Variants in ENTPD7 observed in about 807,000 individuals in gnomAD.
The protein encoded by ENTPD7 is NTPDase 7.
ENTPD7 carries 53 observed loss-of-function variants against 77.9 expected under a neutral mutation model. The observed-to-expected ratio is 0.68, with a 90% CI of 0.55 to 0.85. The LOEUF is 0.85. Among genes scored for constraint, ENTPD7 ranks in the 40% least tolerant of loss-of-function variants. ENTPD7 has a pLI of 0.00. For missense variants in ENTPD7, 636 were observed against 743.7 expected (o/e 0.86, Z 1.68); for synonymous variants, 248 against 274.9 (o/e 0.90, Z 0.97).
chr10:99,667,066 A>G (rs1184860409), intron 3 of ENTPD7, among the ~76,000 whole-genome samples: 1 of 152,220 alleles, frequency 6.6e-6, no homozygotes, highest in East Asian at 1.9e-4. Flanking sequence ...AAGTGGTCAG[A>G]GCCAATAAAT....
Position 99,696,102 on chromosome 10 carries a change from T to TG in ENTPD7, c.991dup (p.Glu331GlyfsTer4). The TG allele has an allele frequency of 6.2e-7, 1 of 1,613,300 alleles. No individual in the cohort carries two copies. Among genetic ancestry groups the TG allele is most frequent in the South Asian group, 1.1e-5 (1 of 90,840 alleles). Reference sequence around the variant, plus strand: ...AGCGCTACGAAGACCTTGTTCTGAATGAAACTCTTAACAAAAACAGGTACA... The same window carrying TG: ...AGCGCTACGAAGACCTTGTTCTGAATGGAAACTCTTAACAAAAACAGGTACA... On this transcript the variant is annotated frameshift_variant, in exon 9 of 13. Coordinates refer to ENST00000370489, the MANE Select transcript of ENTPD7 (RefSeq NM_020354.5). LOFTEE classifies it high-confidence loss of function.
At chr10:99,685,528 A>C (rs1228633057) in intron 5 of ENTPD7, among the ~76,000 whole-genome samples, 2 of 152,222 alleles carry the variant, frequency 1.3e-5, no homozygotes, top group Non-Finnish European at 2.9e-5. Flanking sequence ...TCATAGCCTC[A>C]TCTTTTAACA....
chr10:99,686,412 T>C (rs1371609554), intron 6 of ENTPD7, among the ~76,000 whole-genome samples: 4 of 152,160 alleles, frequency 2.6e-5, no homozygotes, highest in African/African-American at 7.2e-5. Flanking sequence ...TGTGTTCTCA[T>C]GCAGCCAAAT....
At chr10:99,682,866 G>C (rs1332099040) in intron 5 of ENTPD7, among the ~76,000 whole-genome samples, 2 of 152,190 alleles carry the variant, frequency 1.3e-5, no homozygotes, top group African/African-American at 4.8e-5. Context: ...GGTTAAAAAG[G>C]CAGAATTGAC....
intron 5 of ENTPD7, 135 bp from the exon 6 acceptor site, chr10:99,685,657 G>C (rs1414891168): frequency 4.8e-6 from 3 of 619,524 alleles, no homozygotes; most frequent in Non-Finnish European, 8.6e-6. Flanking sequence ...GTACCAAAAA[G>C]AAGCAGGGCT....
At chr10:99,690,243 G>A (rs1313638026) in intron 7 of ENTPD7, among the ~76,000 whole-genome samples, 1 of 152,080 alleles carries the variant, frequency 6.6e-6, no homozygotes, top group Non-Finnish European at 1.5e-5. Context: ...AAGAGCCCTG[G>A]TTTCTTTTAG....
At chr10:99,688,861 A>G in intron 7 of ENTPD7, 111 bp downstream of exon 7, 1 of 985,448 alleles carries the variant, frequency 1.0e-6, no homozygotes, top group East Asian at 2.5e-5. Flanking sequence ...TTTTTCAAAC[A>G]TAAGATGCTT....
At position 99,707,156 on chromosome 10, in the gene ENTPD7, T is replaced by C. The variant is rs928903748; in HGVS notation, c.*2473T>C. ...TCAATATATATGTATTTCTTATTCTTATTTTGTCTTGGAGTGTTTAATGTG... is the reference window on the plus strand; with the variant it reads ...TCAATATATATGTATTTCTTATTCTCATTTTGTCTTGGAGTGTTTAATGTG... On this transcript the variant is annotated 3_prime_UTR_variant, in exon 13 of 13. Transcript: ENST00000370489. Among the ~76,000 whole-genome samples, 6 of 152,208 alleles carry C rather than the reference T, an allele frequency of 3.9e-5. No homozygotes were observed. The highest frequency in any genetic ancestry group is 1.5e-5 in the Non-Finnish European group (1 of 68,026).
chr10:99,684,537 C>G (rs186253107), intron 5 of ENTPD7, among the ~76,000 whole-genome samples: 99 of 152,252 alleles, frequency 6.5e-4, no homozygotes, highest in Admixed American at 5.4e-3. Flanking sequence ...TAACAATGAA[C>G]TTTTTTTAAG....
intron 3 of ENTPD7, among the ~76,000 whole-genome samples, chr10:99,676,931 T>TA (rs1219815637): frequency 1.3e-5 from 2 of 152,198 alleles, no homozygotes; most frequent in Non-Finnish European, 2.9e-5. Context: ...TTCTCTTTTT[T>TA]AAAAAAATGC....
chr10:99,687,302 T>C (rs1453778837), intron 6 of ENTPD7, among the ~76,000 whole-genome samples: 3 of 127,240 alleles, frequency 2.4e-5, no homozygotes, highest in East Asian at 2.6e-4. Context: ...AGTCTCGCTC[T>C]GTCATCCAGA....
intron 5 of ENTPD7, among the ~76,000 whole-genome samples, chr10:99,681,838 A>T (rs2035758479): frequency 6.6e-6 from 1 of 152,148 alleles, no homozygotes; most frequent in Non-Finnish European, 1.5e-5. Context: ...GTGAATGGAG[A>T]AATGTCTATT....
chr10:99,698,162 C>G (rs967616877), intron 9 of ENTPD7, among the ~76,000 whole-genome samples: 1 of 152,158 alleles, frequency 6.6e-6, no homozygotes, highest in Non-Finnish European at 1.5e-5. Flanking sequence ...CACCTCACCC[C>G]CTACCAGTTG....
At chr10:99,699,407 T>C (rs569476119) in intron 10 of ENTPD7, among the ~76,000 whole-genome samples, 2 of 152,336 alleles carry the variant, frequency 1.3e-5, no homozygotes, top group African/African-American at 4.8e-5. Flanking sequence ...TGAGCATATA[T>C]AGGACTTAAG....
At chr10:99,674,819 AT>A (rs1390769608) in intron 3 of ENTPD7, among the ~76,000 whole-genome samples, 5 of 152,188 alleles carry the variant, frequency 3.3e-5, no homozygotes, top group African/African-American at 1.2e-4. Flanking sequence ...ACCGCTAATA[AT>A]GCCTTAGTGC....
At position 99,698,557 on chromosome 10, in the gene ENTPD7, T is replaced by TGAGTCCCGAC; in HGVS notation, c.1035_1044dup (p.Asn349GlufsTer64). The TGAGTCCCGAC allele has an allele frequency of 6.2e-7, 1 of 1,614,138 alleles. No individual in the cohort carries two copies. The highest frequency in any genetic ancestry group is 8.5e-7 in the Non-Finnish European group (1 of 1,180,000). On this transcript the variant is annotated frameshift_variant, in exon 10 of 13. Coordinates refer to ENST00000370489, the MANE Select transcript of ENTPD7 (RefSeq NM_020354.5). LOFTEE classifies it high-confidence loss of function. The stretch of plus-strand genomic sequence containing the variant: ...AGATTGCTTGGTCAGAAGACAGGTC[T>TGAGTCCCGAC]GAGTCCCGACAATCCATTTCTGGAT...
intron 11 of ENTPD7, among the ~76,000 whole-genome samples, 167 bp from the exon 12 acceptor site, chr10:99,702,345 C>G (rs1236178175): frequency 1.3e-5 from 2 of 152,082 alleles, no homozygotes; most frequent in African/African-American, 4.8e-5. Context: ...GTGGTAAACA[C>G]AAGATAAGTA....
At position 99,700,604 on chromosome 10, in the gene ENTPD7, C is replaced by T. The variant is rs150480856; in HGVS notation, c.1336-369C>T. On this transcript the variant is annotated intron_variant, in intron 10 of 12. Coordinates refer to ENST00000370489, the MANE Select transcript of ENTPD7 (RefSeq NM_020354.5). ...GATTATTTTGGTGAGAATTACAACACCGAGGGAGGCCAATGACAGGTTTCT... is the reference window on the plus strand; with the variant it reads ...GATTATTTTGGTGAGAATTACAACATCGAGGGAGGCCAATGACAGGTTTCT... 1.1e-4 allele frequency among the ~76,000 whole-genome samples: 17 copies of T among 152,308 alleles called. No homozygotes were observed. In the East Asian group the frequency reaches 3.3e-3, roughly 29 times the overall value.
At chr10:99,680,596 T>C (rs2035740297) in intron 5 of ENTPD7, among the ~76,000 whole-genome samples, 1 of 150,822 alleles carries the variant, frequency 6.6e-6, no homozygotes, top group Non-Finnish European at 1.5e-5. Context: ...GATTTTTTTC[T>C]TTTTTTTTAG....
Sources: allele counts gnomAD v4.1 joint callset (sites outside exome capture counted in the v4.1 genomes callset), GRCh38; gene constraint gnomAD v4.1.1; transcripts MANE v1.5; gene names NCBI Gene and HGNC (gene_info 2026-07-23, HGNC 2026-07-21).